The following KIF26B variants were observed in gnomAD, a reference collection of about 807,000 sequenced individuals.
KIF26B encodes the protein kinesin-like protein KIF26B.
Under a neutral mutation model 151.2 loss-of-function variants are expected in KIF26B, and 63 were observed. The ratio of observed to expected loss-of-function variants is 0.42; its 90% CI spans 0.34 to 0.51. The LOEUF (loss-of-function observed/expected upper bound fraction) is 0.51. Among genes scored for constraint, KIF26B ranks in the 20% least tolerant of loss-of-function variants. The probability of loss-of-function intolerance (pLI) is 0.07; values close to 1 mark genes in which losing one functional copy is unlikely to be tolerated. For missense variants in KIF26B, 2,813 were observed against 2,913.6 expected, an observed-to-expected ratio of 0.97 and a Z score of 0.79; for synonymous variants, 1,357 against 1,262.1, an observed-to-expected ratio of 1.08 and a Z score of -1.59.
chr1:245,433,028 T>G (rs1355998262), intron 4 of KIF26B, among the ~76,000 whole-genome samples: 1 of 152,274 alleles, frequency 6.6e-6, no homozygotes, highest in Non-Finnish European at 1.5e-5. Flanking sequence ...ATGCTTCTTT[T>G]ATTTTTATCT....
chr1:245,604,604 A>G (rs1017852460), intron 6 of KIF26B, among the ~76,000 whole-genome samples: 4 of 152,230 alleles, frequency 2.6e-5, no homozygotes, highest in Non-Finnish European at 5.9e-5. Context: ...AATCTCCACA[A>G]GTTGTAAGAA....
In KIF26B at chr1:245,516,501, C is replaced by A. The variant is rs192964882; in HGVS notation, c.1167-24266C>A. 1.3e-5 allele frequency among the ~76,000 whole-genome samples: 2 copies of A among 152,290 alleles called. No homozygotes were observed. Among genetic ancestry groups the A allele is most frequent in the East Asian group, 3.9e-4 (2 of 5,170 alleles). ...CCCCGCTGCAGCTGCCTTTGCTATA[C>A]AGTGAATACACTGTGGGTCTATTAT... On this transcript the variant is annotated intron_variant, in intron 4 of 14. Transcript: ENST00000407071. The surrounding 1 kb of genome is among the most constrained non-coding windows in gnomAD (Gnocchi z 4.2).
chr1:245,602,754 G>A lies in KIF26B; in HGVS notation c.1528G>A (p.Asp510Asn). 1 of 1,613,870 alleles carries A rather than the reference G, an allele frequency of 6.2e-7. No homozygotes were observed. The highest frequency in any genetic ancestry group is 1.1e-5 in the South Asian group (1 of 91,070). ...NQVPPKMFAF[D>N]AVFPQDASQA... is the part of the protein sequence containing the mutation. ...GGTTCCTCCAAAGATGTTTGCCTTC[G>A]ATGCAGTTTTTCCACAAGACGCTTC... Residue 510 changes from aspartate (D) to asparagine (N), a missense_variant, in exon 6 of 15, where the codon GAT becomes AAT. Asp to Asn is a conservative substitution (Grantham distance 23). Coordinates refer to ENST00000407071, the MANE Select transcript of KIF26B (RefSeq NM_018012.4). The surrounding 1 kb of genome is among the most constrained non-coding windows in gnomAD (Gnocchi z 4.5).
chr1:245,296,039 G>A (rs975914324), intron 2 of KIF26B, among the ~76,000 whole-genome samples: 3 of 152,108 alleles, frequency 2.0e-5, no homozygotes, highest in South Asian at 2.1e-4. Context: ...CATGACAGAC[G>A]TTCATTAGAT....
At chr1:245,617,938 C>T (rs552895576) in intron 9 of KIF26B, among the ~76,000 whole-genome samples, 1 of 152,100 alleles carries the variant, frequency 6.6e-6, no homozygotes, top group Non-Finnish European at 1.5e-5. Flanking sequence ...GCTCCCGTCT[C>T]CTGGCATTCT....
intron 4 of KIF26B, among the ~76,000 whole-genome samples, chr1:245,440,216 G>A (rs1332894986): frequency 6.7e-6 from 1 of 150,090 alleles, no homozygotes. Flanking sequence ...GCCAGACTCT[G>A]CCTAAAAAAA....
Position 245,558,582 on chromosome 1 carries a change from CCTT to C in KIF26B, c.1350+17636_1350+17638del, listed in dbSNP as rs564836230. ...ATTTATTTCTCTGTGCAGAGTTTGT[CCTT>C]CTTTGAACCAGGTCCCTCCTGGACA... On this transcript the variant is annotated intron_variant, in intron 5 of 14. Transcript: ENST00000407071. Among the ~76,000 whole-genome samples, 165 of 152,304 alleles carry C rather than the reference CCTT, an allele frequency of 1.1e-3. 3 individuals are homozygous for C. Among genetic ancestry groups the C allele is most frequent in the Middle Eastern group, 3.4e-3 (1 of 294 alleles).
chr1:245,379,970 C>CAA lies in KIF26B; in HGVS notation c.999+12619_999+12620dup, dbSNP rs539877547. On this transcript the variant is annotated intron_variant, in intron 3 of 14. Transcript: ENST00000407071. ...TGGGCGACAGAGCAAGACTCCGTCT[C>CAA]AAAAAAAAAAAAAAAAAGTCCTCAC... Among the ~76,000 whole-genome samples the CAA allele has an allele frequency of 6.8e-3, 565 of 82,714 alleles. 6 individuals carry two copies. The highest frequency in any genetic ancestry group is 0.042 in the Admixed American group (308 of 7,328). 54.3% of individuals were successfully genotyped at this position (82,714 alleles called of 152,430 possible).
chr1:245,252,639 C>G (rs982128256), intron 2 of KIF26B, among the ~76,000 whole-genome samples: 1 of 150,562 alleles, frequency 6.6e-6, no homozygotes, highest in Admixed American at 6.6e-5. Flanking sequence ...ACTCTTTTGT[C>G]ATAATTGCAG....
At chr1:245,342,483 C>T (rs368770758) in intron 2 of KIF26B, among the ~76,000 whole-genome samples, 9 of 152,324 alleles carry the variant, frequency 5.9e-5, no homozygotes, top group East Asian at 1.9e-4. Context: ...CGTCACCCAC[C>T]GGTGGCTCCT....
At chr1:245,668,244 C>T (rs944991293) in intron 10 of KIF26B, among the ~76,000 whole-genome samples, 1 of 152,252 alleles carries the variant, frequency 6.6e-6, no homozygotes, top group South Asian at 2.1e-4. Context: ...AGAAACGGCT[C>T]AGTTAGGGTC....
chr1:245,366,704 G>C (rs1156612318), intron 2 of KIF26B, 130 bp from the exon 3 acceptor site: 1 of 804,084 alleles, frequency 1.2e-6, no homozygotes, highest in Non-Finnish European at 2.0e-6. Flanking sequence ...TCTCATTTCT[G>C]TGGAATGCCA....
chr1:245,687,025 G>A lies in KIF26B; in HGVS notation c.4042G>A (p.Asp1348Asn), dbSNP rs1295255307. 1.2e-6 allele frequency: 2 copies of A among 1,613,444 alleles called. No homozygotes were observed. Among genetic ancestry groups the A allele is most frequent in the South Asian group, 2.2e-5 (2 of 90,968 alleles). ...CTTGCTCATCCTGTCTGAGATGGGAGATGACTCTTTCAACAAAGCAGCCCC... is the reference window on the plus strand; with the variant it reads ...CTTGCTCATCCTGTCTGAGATGGGAAATGACTCTTTCAACAAAGCAGCCCC... ...DNLLILSEMG[D>N]DSFNKAAPIK... Residue 1348 changes from aspartate to asparagine, a missense_variant, in exon 12 of 15, where the codon GAT becomes AAT. This residue lies in a region of KIF26B where 2,060 missense variants were observed against 2,088.6 expected (regional missense o/e 0.99). Transcript: ENST00000407071. This position sits in a 1 kb window ranked among gnomAD's most constrained non-coding sequence, Gnocchi z 4.9.
rs1673000878 is a variant in KIF26B at position 245,367,825 on chromosome 1, A to G, written c.999+458A>G. ...GCTCAAGTCCCTCATTTATAAATGGATGTGAGTCACGAGAATTAAATAAGG... is the reference window on the plus strand; with the variant it reads ...GCTCAAGTCCCTCATTTATAAATGGGTGTGAGTCACGAGAATTAAATAAGG... On this transcript the variant is annotated intron_variant, in intron 3 of 14. Coordinates refer to ENST00000407071, the MANE Select transcript of KIF26B (RefSeq NM_018012.4). The surrounding 1 kb of genome is among the most constrained non-coding windows in gnomAD (Gnocchi z 4.2). Among the ~76,000 whole-genome samples, 1 of 152,236 alleles carries G rather than the reference A, an allele frequency of 6.6e-6. No individual in the cohort carries two copies. The highest frequency in any genetic ancestry group is 2.4e-5 in the African/African-American group (1 of 41,460).
chr1:245,677,069 G>A (rs898426948), intron 10 of KIF26B, among the ~76,000 whole-genome samples: 88 of 152,230 alleles, frequency 5.8e-4, no homozygotes, highest in African/African-American at 2.1e-3. Flanking sequence ...AGATCGATGA[G>A]CAAATAAATA....
chr1:245,677,997 G>A (rs1379650337), intron 10 of KIF26B, among the ~76,000 whole-genome samples: 6 of 152,296 alleles, frequency 3.9e-5, no homozygotes, highest in Admixed American at 3.3e-4. Context: ...CAGGAGCATT[G>A]GGCCAGGGAT....
At chr1:245,414,427 G>A (rs1674368178) in intron 3 of KIF26B, among the ~76,000 whole-genome samples, 2 of 152,228 alleles carry the variant, frequency 1.3e-5, no homozygotes, top group Non-Finnish European at 2.9e-5. Flanking sequence ...TGAAGAATGA[G>A]GGAGTTCACG....
chr1:245,543,301 G>A (rs1661665080), intron 5 of KIF26B, among the ~76,000 whole-genome samples: 1 of 152,198 alleles, frequency 6.6e-6, no homozygotes, highest in African/African-American at 2.4e-5. Context: ...GTCCAATCTT[G>A]ATTTCATGAT....
chr1:245,608,089 C>A (rs746340957), intron 7 of KIF26B, among the ~76,000 whole-genome samples: 2 of 152,158 alleles, frequency 1.3e-5, no homozygotes, highest in African/African-American at 4.8e-5. Context: ...CTTGCACCAC[C>A]GCACCCATGA....
Sources: gnomAD v4.1 joint callset for allele counts (sites outside exome capture counted in the v4.1 genomes callset) on GRCh38, gnomAD v4.1.1 for gene constraint, gnomAD v4.1.1 regional missense constraint, Gnocchi (gnomAD v3.1) non-coding constraint, MANE v1.5 for transcripts, NCBI Gene and HGNC (gene_info 2026-07-23, HGNC 2026-07-21) for gene names.